The following ATAD1 variants were observed in gnomAD, a reference collection of about 807,000 sequenced individuals.
The protein encoded by ATAD1 is ATPase family AAA domain containing 1.
Under a neutral mutation model 42.7 loss-of-function variants are expected in ATAD1, and 18 were observed. The ratio of observed to expected loss-of-function variants is 0.42; its 90% CI spans 0.29 to 0.63. The LOEUF (loss-of-function observed/expected upper bound fraction) is 0.63, where lower values mean the gene tolerates loss of function less well. ATAD1 is among the 20% of genes least tolerant of loss of function. The probability of loss-of-function intolerance (pLI) is 0.19; values close to 1 mark genes in which losing one functional copy is unlikely to be tolerated. For synonymous variants in ATAD1, 132 were observed against 143.1 expected (o/e 0.92, Z 0.55); for missense variants, 294 against 440.4 (o/e 0.67, Z 2.98).
chr10:87,795,673 C>T (rs1385528486), intron 2 of ATAD1, among the ~76,000 whole-genome samples: 1 of 151,756 alleles, frequency 6.6e-6, no homozygotes, highest in East Asian at 1.9e-4. Context: ...TTTCTCCATG[C>T]AAAGTATTAT....
chr10:87,819,262 A>C (rs936114252), upstream of ATAD1: 1 of 125,294 alleles, frequency 8.0e-6, no homozygotes, highest in Non-Finnish European at 1.6e-5. Context: ...AATCGTCTCT[A>C]CAAAAAAAAA....
rs952811510 is a variant in ATAD1 at position 87,818,193 on chromosome 10, T to C, written c.-40A>G. The C allele has an allele frequency of 6.1e-5, 60 of 985,476 alleles. No homozygotes were observed. The highest frequency in any genetic ancestry group is 7.0e-5 in the Non-Finnish European group (58 of 830,082). 61.0% of individuals were successfully genotyped at this position (985,476 alleles called of 1,614,324 possible). A position where few individuals can be genotyped will look rare whatever the true frequency, so the allele number is the denominator to read the frequency against. ...CAGGGGCAGAAACAGCAAGAGCAAG[T>C]GCCCTCAGCCGGCCTCACACAGGAA... On this transcript the variant is annotated 5_prime_UTR_variant, in exon 1 of 10. Transcript: ENST00000680024.
At chr10:87,820,145 C>G (rs1464176909), upstream of ATAD1, among the ~76,000 whole-genome samples, 1 of 152,138 alleles carries the variant, frequency 6.6e-6, no homozygotes. Context: ...GCTCAGCAGA[C>G]TTTCAAGAGA....
intron 4 of ATAD1, among the ~76,000 whole-genome samples, chr10:87,789,199 A>T (rs1273952547): frequency 1.3e-5 from 2 of 152,228 alleles, no homozygotes; most frequent in African/African-American, 4.8e-5. Context: ...ATTTTTAAAG[A>T]TCCACTTTTT....
chr10:87,776,553 C>G, intron 5 of ATAD1, 126 bp from the exon 6 acceptor site: 1 of 646,398 alleles, frequency 1.5e-6, no homozygotes. Flanking sequence ...ATTGCAACCT[C>G]GAACTCCCAG....
chr10:87,762,928 T>C (rs1854558310), intron 8 of ATAD1, among the ~76,000 whole-genome samples: 1 of 142,434 alleles, frequency 7.0e-6, no homozygotes, highest in Non-Finnish European at 1.5e-5. Flanking sequence ...AATATATATA[T>C]ATATAAGCCG....
At chr10:87,832,801 C>T (rs1171728198) in intron 1 of ATAD1, 1 of 152,040 alleles carries the variant, frequency 6.6e-6, no homozygotes, top group African/African-American at 2.4e-5. Context: ...GTTGAGTCTT[C>T]AGTTTTCTTT....
In ATAD1 at chr10:87,814,590, C is replaced by T. The variant is rs1857330687; in HGVS notation, c.10G>A (p.Ala4Thr). 3 of 1,606,822 alleles carry T rather than the reference C, an allele frequency of 1.9e-6. No homozygotes were observed. The highest frequency in any genetic ancestry group is 2.5e-6 in the Non-Finnish European group (3 of 1,177,082). MVH[A>T]EAFSRPLSRN... ...CTCAAAGGACGAGAAAAGGCTTCAG[C>T]ATGTACCATCTTGAATGTTAACCTT... Residue 4 changes from alanine to threonine, a missense_variant, in exon 2 of 10, where the codon GCT (alanine) becomes ACT (threonine). This residue lies in a region of ATAD1 where 121 missense variants were observed against 187.3 expected (regional missense o/e 0.65). Coordinates refer to ENST00000680024, the MANE Select transcript of ATAD1 (RefSeq NM_001321967.2).
chr10:87,803,336 A>G (rs1856787730), intron 2 of ATAD1, among the ~76,000 whole-genome samples: 1 of 152,242 alleles, frequency 6.6e-6, no homozygotes, highest in African/African-American at 2.4e-5. Context: ...ATTTTTAAAA[A>G]GGGAGGAAAT....
At position 87,794,804 on chromosome 10, in the gene ATAD1, G is replaced by A. The variant is rs1856302301; in HGVS notation, c.163-2049C>T. On this transcript the variant is annotated intron_variant, in intron 2 of 9. Transcript: ENST00000680024. Reference sequence around the variant, plus strand: ...AAAGAATAGCCTTTATTTCTATCTGGAACTTCCTAAATAAAAAATGACAAA... The same window carrying A: ...AAAGAATAGCCTTTATTTCTATCTGAAACTTCCTAAATAAAAAATGACAAA... 2.0e-5 allele frequency among the ~76,000 whole-genome samples: 3 copies of A among 152,146 alleles called. 1 individual carries two copies. In the South Asian group the frequency reaches 6.2e-4, roughly 32 times the overall value.
chr10:87,837,041 T>G (rs1374096171), intron 1 of ATAD1, among the ~76,000 whole-genome samples: 1 of 152,226 alleles, frequency 6.6e-6, no homozygotes, highest in East Asian at 1.9e-4. Flanking sequence ...TATTATTTTT[T>G]GCATTTCTTT....
At chr10:87,803,269 TCAGACGAAACTTGAGAC>T (rs1169133193) in intron 2 of ATAD1, among the ~76,000 whole-genome samples, 1 of 152,190 alleles carries the variant, frequency 6.6e-6, no homozygotes, top group African/African-American at 2.4e-5. Context: ...CCATGAGAGA[TCAGACGAAACTTGAGAC>T]CAGAGACTCA....
rs1854097903 is a variant in ATAD1 at position 87,753,505 on chromosome 10, C to T, written c.*1182G>A. ...ATGCTGCGTGGTTAGGTGCCTATAA[C>T]AGAATTCTGGTTAGTAAAATTTTGA... On this transcript the variant is annotated 3_prime_UTR_variant, in exon 10 of 10. Coordinates refer to ENST00000680024, the MANE Select transcript of ATAD1 (RefSeq NM_001321967.2). The T allele has an allele frequency of 6.6e-6, 1 of 152,162 alleles. No homozygotes were observed. Among genetic ancestry groups the T allele is most frequent in the African/African-American group, 2.4e-5 (1 of 41,404 alleles). The allele number at this position is 152,162 out of a possible 1,614,324, so 9.4% of individuals were successfully genotyped here. A position where few individuals can be genotyped will look rare whatever the true frequency, so the allele number is the denominator to read the frequency against.
intron 1 of ATAD1, among the ~76,000 whole-genome samples, chr10:87,827,261 A>G (rs2132104159): frequency 6.6e-6 from 1 of 152,340 alleles, no homozygotes; most frequent in East Asian, 1.9e-4. Flanking sequence ...GCAGTATTTG[A>G]GAAATTCTAA....
intron 8 of ATAD1, among the ~76,000 whole-genome samples, chr10:87,763,115 T>C (rs990818556): frequency 2.5e-5 from 3 of 121,868 alleles, no homozygotes; most frequent in Non-Finnish European, 5.3e-5. Context: ...AGGCAAAATA[T>C]AATTTACTGA....
chr10:87,784,558 C>T lies in ATAD1; in HGVS notation c.495G>A (p.Lys165=), dbSNP rs764590440. ...INLQPSTLTD[K]WYGESQKLAA... is the part of the protein sequence containing the mutation. ...CCAATTTCTGAGATTCTCCATACCA[C>T]TTATCGGTCAGTGTCGAAGGCTGAA... is the stretch of plus-strand genomic sequence containing the variant. Residue 165 remains lysine (K), a synonymous_variant, in exon 5 of 10, where the codon AAG becomes AAA. Transcript: ENST00000680024. The T allele has an allele frequency of 4.3e-6, 7 of 1,613,672 alleles. No individual in the cohort carries two copies. The African/African-American group carries it at 9.3e-5, about 22-fold the overall frequency.
chr10:87,752,575 T>G lies in ATAD1; in HGVS notation c.*2112A>C, dbSNP rs1476579979. 1 of 152,096 alleles carries G rather than the reference T, an allele frequency of 6.6e-6. No homozygotes were observed. Among genetic ancestry groups the G allele is most frequent in the Non-Finnish European group, 1.5e-5 (1 of 68,008 alleles). The allele number at this position is 152,096 out of a possible 1,614,324, so 9.4% of individuals were successfully genotyped here. A position where few individuals can be genotyped will look rare whatever the true frequency, so the allele number is the denominator to read the frequency against. ...GTTAATGGGGAGCCTGAGTTTAAAT[T>G]CAGGAAGCCTGATTCTAGATCCAGT... On this transcript the variant is annotated 3_prime_UTR_variant, in exon 10 of 10. Coordinates refer to ENST00000680024, the MANE Select transcript of ATAD1 (RefSeq NM_001321967.2).
rs1855214806 is a variant in ATAD1, at chr10:87,774,811, G to A, written c.690+1510C>T. Among the ~76,000 whole-genome samples, 6 of 152,208 alleles carry A rather than the reference G, an allele frequency of 3.9e-5. No homozygotes were observed. The Middle Eastern group carries it at 0.014, about 345-fold the overall frequency. On this transcript the variant is annotated intron_variant, in intron 6 of 9. Transcript: ENST00000680024. ...ACAAAAAAAACACCAAAATTAGCCA[G>A]GTGTGGTGGCGTGCACCTGTAGTCC...
intron 8 of ATAD1, among the ~76,000 whole-genome samples, chr10:87,765,798 C>T (rs112576612): frequency 1.3e-5 from 2 of 152,018 alleles, no homozygotes; most frequent in African/African-American, 4.8e-5. Flanking sequence ...GAGGCCAAGG[C>T]GGGGGGATTG....
Sources: allele counts gnomAD v4.1 joint callset (sites outside exome capture counted in the v4.1 genomes callset), GRCh38; gene constraint gnomAD v4.1.1; regional missense constraint gnomAD v4.1.1; transcripts MANE v1.5; gene names NCBI Gene and HGNC (gene_info 2026-07-23, HGNC 2026-07-21).